SLC6A14: variants seen among roughly 807,000 people sequenced by gnomAD.
SLC6A14 encodes the protein sodium- and chloride-dependent neutral and basic amino acid transporter B(0+).
SLC6A14 carries 21 observed loss-of-function variants against 51.4 expected under a neutral mutation model. That is an observed-to-expected ratio of 0.41 (90% CI 0.29 to 0.59). The LOEUF is 0.59. SLC6A14 is among the 20% of genes least tolerant of loss of function. The pLI, the probability that SLC6A14 is intolerant of heterozygous loss-of-function variation, is 0.31. For missense variants in SLC6A14, 371 were observed against 472.8 expected (o/e 0.78, Z 2.00); for synonymous variants, 177 against 160.7 (o/e 1.10, Z -0.77).
In SLC6A14 at chrX:116,437,844, G is replaced by T; in HGVS notation, c.103G>T (p.Asp35Tyr). 1 of 1,208,123 alleles carries T rather than the reference G, an allele frequency of 8.3e-7. No individual in the cohort carries two copies. Among genetic ancestry groups the T allele is most frequent in the Non-Finnish European group, 1.1e-6 (1 of 892,827 alleles). Reference protein sequence around the residue: ...FHVGENDENQDRGNWSKKSDY... With the variant: ...FHVGENDENQYRGNWSKKSDY... Reference sequence around the variant, plus strand: ...TGTTGGTGAAAATGATGAGAATCAGGACCGTGGTAACTGGTCCAAAAAATC... The same window carrying T: ...TGTTGGTGAAAATGATGAGAATCAGTACCGTGGTAACTGGTCCAAAAAATC... The change falls in exon 2 of 14, where the codon GAC becomes TAC. Residue 35 changes from aspartate (D) to tyrosine (Y), a missense_variant. Coordinates refer to ENST00000598581, the MANE Select transcript of SLC6A14 (RefSeq NM_007231.5).
At chrX:116,445,735 T>C (rs1927701272) in intron 6 of SLC6A14, among the ~76,000 whole-genome samples, 1 of 111,608 alleles carries the variant, frequency 9.0e-6, no homozygotes, top group Non-Finnish European at 1.9e-5. Context: ...AAATTTTCTC[T>C]GTGAACAGTT....
intron 2 of SLC6A14, 49 bp from the exon 3 acceptor site, chrX:116,440,917 C>G (rs1205233266): frequency 1.7e-6 from 2 of 1,186,887 alleles, no homozygotes; most frequent in Non-Finnish European, 2.3e-6. Context: ...AAAGTGCCAT[C>G]AAGACTTCGA....
chrX:116,454,143 A>G (rs1416008960), intron 9 of SLC6A14, among the ~76,000 whole-genome samples, 181 bp from the exon 10 acceptor site: 2 of 111,295 alleles, frequency 1.8e-5, no homozygotes, highest in Non-Finnish European at 3.8e-5. Flanking sequence ...TTTGATTTTC[A>G]TCAGAACCAA....
intron 4 of SLC6A14, 37 bp downstream of exon 4, chrX:116,442,885 A>G (rs1927628828): frequency 3.9e-6 from 4 of 1,014,180 alleles, no homozygotes; most frequent in Non-Finnish European, 5.3e-6. Flanking sequence ...TCTTTTATAT[A>G]TATTTTTTAT....
rs1927858933 is a variant in SLC6A14 at position 116,453,246 on chromosome X, G to C, written c.1285+104G>C. 3 of 625,335 alleles carry C rather than the reference G, an allele frequency of 4.8e-6. No homozygotes were observed. In the Admixed American group the frequency reaches 1.2e-4, roughly 26 times the overall value. 51.5% of individuals were successfully genotyped at this position (625,335 alleles called of 1,213,427 possible). On this transcript the variant is annotated intron_variant, in intron 9 of 13. Coordinates refer to ENST00000598581, the MANE Select transcript of SLC6A14 (RefSeq NM_007231.5). ...ATTACCCCTATTACCCCCTCTAGCT[G>C]TTAATCTCAGAATGATCTTTCTGAA...
intron 8 of SLC6A14, 69 bp from the exon 9 acceptor site, chrX:116,452,948 T>C (rs1927850976): frequency 2.2e-6 from 2 of 893,885 alleles, no homozygotes; most frequent in Admixed American, 7.0e-5. Context: ...TCTAATATCT[T>C]ATGTTTTAAA....
chrX:116,457,728 A>G lies in SLC6A14; in HGVS notation c.1734A>G (p.Pro578=). Reference sequence around the variant, plus strand: ...TTGTTTTCTGCATTATTTGGATTCCAATTATGGCTATCATAAAAATAATTC... The same window carrying G: ...TTGTTTTCTGCATTATTTGGATTCCGATTATGGCTATCATAAAAATAATTC... ...CMIVFCIIWI[P]IMAIIKIIQA... The change falls in exon 13 of 14, where the codon CCA becomes CCG. Residue 578 remains proline (P), a synonymous_variant. Coordinates refer to ENST00000598581, the MANE Select transcript of SLC6A14 (RefSeq NM_007231.5). 1.7e-6 allele frequency: 2 copies of G among 1,201,887 alleles called. No homozygotes were observed. The highest frequency in any genetic ancestry group is 2.3e-6 in the Non-Finnish European group (2 of 887,063).
intron 12 of SLC6A14, among the ~76,000 whole-genome samples, chrX:116,456,275 T>C (rs1211195289): frequency 1.8e-5 from 2 of 110,848 alleles, no homozygotes; most frequent in African/African-American, 6.5e-5. Context: ...GACCATTAAG[T>C]AATTCTATGC....
intron 12 of SLC6A14, 68 bp downstream of exon 12, chrX:116,455,534 A>G (rs10521578): frequency 0.2 from 147,048 of 726,174 alleles, 11,509 homozygotes; most frequent in Admixed American, 0.29. Flanking sequence ...TTAATAATTC[A>G]CATTGAAGAC....
Position 116,458,962 on chromosome X carries a change from A to G in SLC6A14, c.*7A>G, listed in dbSNP as rs782509474. On this transcript the variant is annotated 3_prime_UTR_variant, in exon 14 of 14. Transcript: ENST00000598581. ...CAGCAGAAAACCGGAATGAGATCTC[A>G]TTGAAAAAAATATATGATTGTATAA... 1.5e-5 allele frequency: 18 copies of G among 1,178,127 alleles called. No homozygotes were observed. In the African/African-American group the frequency reaches 3.0e-4, roughly 20 times the overall value.
rs559012770 is a variant in SLC6A14 at position 116,450,945 on chromosome X, A to G, written c.931-497A>G. 2.7e-4 allele frequency among the ~76,000 whole-genome samples: 30 copies of G among 112,024 alleles called. No individual in the cohort carries two copies. The South Asian group carries it at 7.7e-3, about 29-fold the overall frequency. On this transcript the variant is annotated intron_variant, in intron 7 of 13. Coordinates refer to ENST00000598581, the MANE Select transcript of SLC6A14 (RefSeq NM_007231.5). The stretch of plus-strand genomic sequence containing the variant: ...CAGAGCGAGACTCTGTCTCAAAAAC[A>G]AAAACAAACAAACAAAAAAGAAGTG...
intron 6 of SLC6A14, 77 bp from the exon 7 acceptor site, chrX:116,446,664 A>G (rs1927719971): frequency 2.6e-6 from 2 of 778,071 alleles, no homozygotes; most frequent in Admixed American, 5.1e-5. Flanking sequence ...TCAACTGGCT[A>G]ATAATTTTAC....
intron 1 of SLC6A14, 22 bp downstream of exon 1, chrX:116,436,779 G>A (rs1016942291): frequency 5.4e-5 from 62 of 1,153,887 alleles, no homozygotes; most frequent in Non-Finnish European, 6.8e-5. Flanking sequence ...GGAGCTGCGG[G>A]AGGTGTGGAG....
intron 4 of SLC6A14, among the ~76,000 whole-genome samples, chrX:116,443,244 T>G (rs781928655): frequency 8.9e-6 from 1 of 111,771 alleles, no homozygotes; most frequent in East Asian, 2.8e-4. Context: ...TAATTACCTA[T>G]GTATATCAGA....
At position 116,445,895 on chromosome X, in the gene SLC6A14, A is replaced by G. The variant is rs12720080; in HGVS notation, c.789+845A>G. On this transcript the variant is annotated intron_variant, in intron 6 of 13. Coordinates refer to ENST00000598581, the MANE Select transcript of SLC6A14 (RefSeq NM_007231.5). ...TGTTAATGTTAAGTTGTGATGAGACATGCTGTTACATCACAAAAATACTGT... is the reference window on the plus strand; with the variant it reads ...TGTTAATGTTAAGTTGTGATGAGACGTGCTGTTACATCACAAAAATACTGT... 7.9e-3 allele frequency among the ~76,000 whole-genome samples: 883 copies of G among 111,485 alleles called. 9 individuals carry two copies. Among genetic ancestry groups the G allele is most frequent in the Non-Finnish European group, 0.011 (597 of 52,961 alleles).
intron 5 of SLC6A14, among the ~76,000 whole-genome samples, chrX:116,444,638 A>G (rs1251478178): frequency 8.9e-6 from 1 of 111,945 alleles, no homozygotes; most frequent in Admixed American, 9.5e-5. Flanking sequence ...ATCTTGAAAC[A>G]GAGGAAAGTA....
intron 1 of SLC6A14, among the ~76,000 whole-genome samples, chrX:116,437,509 T>G (rs1265856688): frequency 4.5e-5 from 5 of 112,193 alleles, no homozygotes; most frequent in Non-Finnish European, 9.4e-5. Flanking sequence ...TGTCTCACAC[T>G]GCTGTCACAT....
At chrX:116,454,919 C>A in intron 10 of SLC6A14, 58 bp from the exon 11 acceptor site, 2 of 805,553 alleles carry the variant, frequency 2.5e-6, no homozygotes, top group East Asian at 3.3e-5. Context: ...TTTGAATATC[C>A]CATCAATCAT....
chrX:116,452,792 C>A (rs1556694488), intron 8 of SLC6A14, among the ~76,000 whole-genome samples: 1 of 111,566 alleles, frequency 9.0e-6, no homozygotes. Flanking sequence ...ATTTACATTA[C>A]AGTCTATTTG....
Sources: allele counts gnomAD v4.1 joint callset (sites outside exome capture counted in the v4.1 genomes callset), GRCh38; gene constraint gnomAD v4.1.1; transcripts MANE v1.5; gene names NCBI Gene and HGNC (gene_info 2026-07-23, HGNC 2026-07-21).